SPATA12: variants seen among roughly 807,000 people sequenced by gnomAD.
SPATA12 encodes spermatogenesis associated 12.
For synonymous variants in SPATA12, 85 were observed against 89.2 expected, an observed-to-expected ratio of 0.95 and a Z score of 0.26; for missense variants, 219 against 226.4, an observed-to-expected ratio of 0.97 and a Z score of 0.21.
At chr3:57,063,456 G>A (rs1705344723) in intron 1 of SPATA12, among the ~76,000 whole-genome samples, 1 of 152,204 alleles carries the variant, frequency 6.6e-6, no homozygotes, top group Non-Finnish European at 1.5e-5. Context: ...TCAGGTGAGA[G>A]GGGAGAATGA....
chr3:57,061,454 C>T (rs1705219416), intron 1 of SPATA12, among the ~76,000 whole-genome samples: 1 of 152,210 alleles, frequency 6.6e-6, no homozygotes, highest in Non-Finnish European at 1.5e-5. Flanking sequence ...TGAGCCATCT[C>T]ACTCAACCAG....
At chr3:57,067,449 T>A (rs1197119115) in intron 1 of SPATA12, among the ~76,000 whole-genome samples, 1 of 98,202 alleles carries the variant, frequency 1.0e-5, no homozygotes, top group Non-Finnish European at 2.0e-5. Context: ...CAAGACTCTG[T>A]CTCAAAATAA....
At position 57,074,251 on chromosome 3, in the gene SPATA12, T is replaced by TAC; in HGVS notation, c.565_566dup (p.Leu190IlefsTer5). Reference sequence around the variant, plus strand: ...TCTACAGTATACTCCAACACACACATACACACACATCTGTAATCAATAATA... The same window carrying TAC: ...TCTACAGTATACTCCAACACACACATACACACACACATCTGTAATCAATAATA... On this transcript the variant is annotated frameshift_variant, in exon 2 of 2. Transcript: ENST00000334325. LOFTEE classifies it high-confidence loss of function. The TAC allele has an allele frequency of 1.9e-6, 3 of 1,612,284 alleles. No homozygotes were observed. Among genetic ancestry groups the TAC allele is most frequent in the Non-Finnish European group, 2.5e-6 (3 of 1,178,874 alleles).
At chr3:57,072,487 T>TCCCA (rs1273335926) in intron 1 of SPATA12, among the ~76,000 whole-genome samples, 3 of 151,104 alleles carry the variant, frequency 2.0e-5, no homozygotes, top group Non-Finnish European at 4.4e-5. Flanking sequence ...ATGTCCGTAA[T>TCCCA]CCCAGCACTT....
At chr3:57,072,726 CAAAAA>C (rs11332171) in intron 1 of SPATA12, among the ~76,000 whole-genome samples, 2 of 112,168 alleles carry the variant, frequency 1.8e-5, no homozygotes, top group African/African-American at 3.6e-5. Flanking sequence ...GAGACTCTGT[CAAAAA>C]AAAAAAAAAA....
At chr3:57,062,022 C>A (rs1333343521) in intron 1 of SPATA12, among the ~76,000 whole-genome samples, 2 of 152,138 alleles carry the variant, frequency 1.3e-5, no homozygotes, top group Non-Finnish European at 2.9e-5. Context: ...TCTTTCCTTG[C>A]TCTGGACTAA....
intron 1 of SPATA12, among the ~76,000 whole-genome samples, chr3:57,067,431 G>A (rs1196607871): frequency 6.8e-6 from 1 of 147,472 alleles, no homozygotes; most frequent in Non-Finnish European, 1.5e-5. Flanking sequence ...CTCCAGCCTG[G>A]GTGACAGCAA....
rs1377888311 is a variant in SPATA12 at position 57,074,279 on chromosome 3, C to T, written c.*12C>T. The T allele has an allele frequency of 6.3e-7, 1 of 1,598,340 alleles. No homozygotes were observed. The highest frequency in any genetic ancestry group is 1.3e-5 in the African/African-American group (1 of 74,756). ...ACACACATCTGTAATCAATAATAAT[C>T]CTGCAACATCTGAGAGTCTGGCAGC... On this transcript the variant is annotated 3_prime_UTR_variant, in exon 2 of 2. Coordinates refer to ENST00000334325, the MANE Select transcript of SPATA12 (RefSeq NM_181727.2).
At chr3:57,068,639 C>T (rs1470722002) in intron 1 of SPATA12, among the ~76,000 whole-genome samples, 3 of 152,208 alleles carry the variant, frequency 2.0e-5, no homozygotes, top group African/African-American at 7.2e-5. Context: ...TGGAGAGAAA[C>T]AGTCCTCCCC....
At chr3:57,062,713 C>A (rs1356447654) in intron 1 of SPATA12, among the ~76,000 whole-genome samples, 2 of 152,136 alleles carry the variant, frequency 1.3e-5, no homozygotes, top group Non-Finnish European at 2.9e-5. Context: ...CACACACACA[C>A]ACACACAACA....
At chr3:57,064,474 C>T (rs1560172665) in intron 1 of SPATA12, among the ~76,000 whole-genome samples, 1 of 152,034 alleles carries the variant, frequency 6.6e-6, no homozygotes, top group Non-Finnish European at 1.5e-5. Context: ...AGGTGCATGC[C>T]ACCACGCCCA....
At chr3:57,071,247 C>G (rs1380437185) in intron 1 of SPATA12, among the ~76,000 whole-genome samples, 1 of 152,160 alleles carries the variant, frequency 6.6e-6, no homozygotes, top group African/African-American at 2.4e-5. Flanking sequence ...TCTGGGACAA[C>G]AGGATTTCCA....
In SPATA12 at chr3:57,073,934, G is replaced by C; in HGVS notation, c.240G>C (p.Glu80Asp). ...LTFQGDVCQS[E>D]TCQRYLQAAI... The stretch of plus-strand genomic sequence containing the variant: ...TTCAGGGGGATGTGTGCCAAAGTGA[G>C]ACCTGTCAGAGATATTTACAAGCAG... The change falls in exon 2 of 2, where the codon GAG (glutamate) becomes GAC (aspartate). Residue 80 changes from glutamate to aspartate, a missense_variant. Transcript: ENST00000334325. 1 of 1,614,202 alleles carries C rather than the reference G, an allele frequency of 6.2e-7. No individual in the cohort carries two copies. The highest frequency in any genetic ancestry group is 8.5e-7 in the Non-Finnish European group (1 of 1,180,034).
intron 1 of SPATA12, among the ~76,000 whole-genome samples, chr3:57,069,744 A>C (rs763663107): frequency 6.6e-6 from 1 of 152,194 alleles, no homozygotes; most frequent in Non-Finnish European, 1.5e-5. Flanking sequence ...AACGGGGCTC[A>C]AGCTATCCTC....
intron 1 of SPATA12, among the ~76,000 whole-genome samples, chr3:57,066,480 C>G (rs1222764664): frequency 3.9e-5 from 6 of 152,186 alleles, no homozygotes; most frequent in African/African-American, 1.4e-4. Flanking sequence ...CTAGGCTGGT[C>G]TTGAACTCCT....
At chr3:57,071,521 G>A (rs1411062234) in intron 1 of SPATA12, among the ~76,000 whole-genome samples, 1 of 151,906 alleles carries the variant, frequency 6.6e-6, no homozygotes, top group African/African-American at 2.4e-5. Flanking sequence ...TCAGCTGGGT[G>A]TGATGATGCA....
At chr3:57,062,315 A>G (rs946217094) in intron 1 of SPATA12, among the ~76,000 whole-genome samples, 18 of 152,144 alleles carry the variant, frequency 1.2e-4, no homozygotes, top group African/African-American at 4.1e-4. Flanking sequence ...GATGACCCTG[A>G]GGAAGCCCAC....
chr3:57,063,838 G>T (rs1040818912), intron 1 of SPATA12, among the ~76,000 whole-genome samples: 3 of 152,150 alleles, frequency 2.0e-5, no homozygotes, highest in Non-Finnish European at 4.4e-5. Context: ...GAAATGAGGG[G>T]CTCAAAAGAG....
intron 1 of SPATA12, among the ~76,000 whole-genome samples, chr3:57,062,439 TC>T (rs1705274884): frequency 6.6e-6 from 1 of 152,034 alleles, no homozygotes; most frequent in Admixed American, 6.6e-5. Context: ...CAGGCTAGGC[TC>T]AGGAGCACGG....
Sources: gnomAD v4.1 joint callset for allele counts (sites outside exome capture counted in the v4.1 genomes callset) on GRCh38, gnomAD v4.1.1 for gene constraint, MANE v1.5 for transcripts, NCBI Gene and HGNC (gene_info 2026-07-23, HGNC 2026-07-21) for gene names.